The following ST3GAL6 variants were observed in gnomAD, a reference collection of about 807,000 sequenced individuals.
The protein encoded by ST3GAL6 is type 2 lactosamine alpha-2,3-sialyltransferase.
Under a neutral mutation model 40.5 loss-of-function variants are expected in ST3GAL6, and 31 were observed. That is an observed-to-expected ratio of 0.77 (90% confidence interval 0.58 to 1.03). ST3GAL6 has a LOEUF of 1.03. ST3GAL6 is among the 50% of genes least tolerant of loss of function. ST3GAL6 has a pLI of 0.00. For synonymous variants in ST3GAL6, 129 were observed against 136.9 expected (o/e 0.94, Z 0.40); for missense variants, 357 against 393.2 (o/e 0.91, Z 0.78).
chr3:98,781,947 C>T (rs1940169561), intron 5 of ST3GAL6, among the ~76,000 whole-genome samples: 1 of 152,144 alleles, frequency 6.6e-6, no homozygotes, highest in Non-Finnish European at 1.5e-5. Flanking sequence ...ATTAAACTGA[C>T]CCTGAGGTTA....
chr3:98,784,072 T>G (rs562977764), intron 5 of ST3GAL6, among the ~76,000 whole-genome samples: 4 of 152,268 alleles, frequency 2.6e-5, no homozygotes, highest in Non-Finnish European at 5.9e-5. Context: ...TCATCTGGTC[T>G]GCTGATTTCA....
Position 98,788,418 on chromosome 3 carries a change from A to G in ST3GAL6, c.711A>G (p.Ala237=), listed in dbSNP as rs1414584179. ...TAGATCCTTTCATTATCAGAACAGC[A>G]GCTTATGAACTGCTTCATTTTCCAA... ...RILDPFIIRT[A]AYELLHFPKV... Residue 237 remains alanine, a synonymous_variant, in exon 8 of 10, where the codon GCA becomes GCG. Transcript: ENST00000483910. 6.2e-7 allele frequency: 1 copy of G among 1,613,418 alleles called. No individual in the cohort carries two copies. Among genetic ancestry groups the G allele is most frequent in the Non-Finnish European group, 8.5e-7 (1 of 1,179,806 alleles).
intron 8 of ST3GAL6, among the ~76,000 whole-genome samples, chr3:98,790,413 A>G (rs747672016): frequency 3.3e-5 from 5 of 152,200 alleles, no homozygotes; most frequent in Non-Finnish European, 5.9e-5. Flanking sequence ...AGTTGGGATG[A>G]TGAAGCCACT....
In ST3GAL6 at chr3:98,793,869, C is replaced by G; in HGVS notation, c.*108C>G. 1 of 531,534 alleles carries G rather than the reference C, an allele frequency of 1.9e-6. No homozygotes were observed. Among genetic ancestry groups the G allele is most frequent in the Non-Finnish European group, 3.2e-6 (1 of 317,436 alleles). 32.9% of individuals were successfully genotyped at this position (531,534 alleles called of 1,614,324 possible). A position where few individuals can be genotyped will look rare whatever the true frequency, so the allele number is the denominator to read the frequency against. On this transcript the variant is annotated 3_prime_UTR_variant, in exon 10 of 10. Transcript: ENST00000483910. ...CTCGTCAAATAATTATGTATACTGT[C>G]TGTTGCTGCCTGGTGATTCATAACC...
At chr3:98,781,039 T>A (rs1284650942) in intron 5 of ST3GAL6, among the ~76,000 whole-genome samples, 1 of 152,230 alleles carries the variant, frequency 6.6e-6, no homozygotes, top group African/African-American at 2.4e-5. Context: ...GTATGTTTAT[T>A]GCAGCACTGT....
intron 8 of ST3GAL6, among the ~76,000 whole-genome samples, chr3:98,790,615 A>G (rs191199001): frequency 1.3e-3 from 195 of 152,312 alleles, no homozygotes; most frequent in African/African-American, 4.4e-3. Flanking sequence ...CATAAATTCA[A>G]CATTCAACCA....
upstream of ST3GAL6, chr3:98,763,166 CA>C (rs375966657): frequency 1.2e-5 from 14 of 1,194,586 alleles, no homozygotes; most frequent in Admixed American, 3.5e-5. Flanking sequence ...GAGGCTGGAC[CA>C]AAAAAAATCT....
chr3:98,780,485 G>C (rs773200834), intron 5 of ST3GAL6, among the ~76,000 whole-genome samples: 1 of 152,164 alleles, frequency 6.6e-6, no homozygotes, highest in Non-Finnish European at 1.5e-5. Context: ...AAAAAAAGTA[G>C]AATGAAACTC....
At chr3:98,770,316 T>C (rs1463360650) in intron 2 of ST3GAL6, 1 of 152,458 alleles carries the variant, frequency 6.6e-6, no homozygotes, top group African/African-American at 2.4e-5. Flanking sequence ...AGACAAGTAC[T>C]CCATTCAGGA....
chr3:98,766,405 CTTTTTTT>C (rs369996406), intron 1 of ST3GAL6, among the ~76,000 whole-genome samples: 1,316 of 103,766 alleles, frequency 0.013, no homozygotes, highest in Non-Finnish European at 0.02. Context: ...AAATGTCATT[CTTTTTTT>C]TTTTTTTTTT....
At chr3:98,792,092 G>T (rs1014534368) in intron 9 of ST3GAL6, 99 bp downstream of exon 9, 6 of 1,235,288 alleles carry the variant, frequency 4.9e-6, no homozygotes, top group Admixed American at 5.4e-5. Context: ...TTTACTGAGG[G>T]ACCACGTTTT....
intron 1 of ST3GAL6, among the ~76,000 whole-genome samples, chr3:98,741,932 T>A (rs1217463615): frequency 6.6e-6 from 1 of 152,148 alleles, no homozygotes; most frequent in African/African-American, 2.4e-5. Flanking sequence ...TGAAGTTTGA[T>A]AGTAGAGATG....
intron 1 of ST3GAL6, among the ~76,000 whole-genome samples, chr3:98,746,759 G>T (rs1936590099): frequency 6.6e-6 from 1 of 151,788 alleles, no homozygotes; most frequent in Admixed American, 6.6e-5. Flanking sequence ...CATATTATAT[G>T]TATGTATTTT....
At chr3:98,769,490 C>G (rs140886479) in intron 2 of ST3GAL6, among the ~76,000 whole-genome samples, 81 of 152,266 alleles carry the variant, frequency 5.3e-4, no homozygotes, top group African/African-American at 1.5e-3. Context: ...CTGTCCTACC[C>G]TTAGTAGTAG....
intron 5 of ST3GAL6, among the ~76,000 whole-genome samples, chr3:98,781,578 G>A (rs2107283503): frequency 6.6e-6 from 1 of 152,226 alleles, no homozygotes; most frequent in Non-Finnish European, 1.5e-5. Flanking sequence ...GGGCTCTGGT[G>A]GTATGCTGGT....
intron 5 of ST3GAL6, among the ~76,000 whole-genome samples, chr3:98,774,771 G>A (rs1024714882): frequency 2.6e-5 from 4 of 152,200 alleles, no homozygotes; most frequent in Non-Finnish European, 4.4e-5. Flanking sequence ...AGGTCTGAAA[G>A]TGTAGACAGA....
intron 5 of ST3GAL6, among the ~76,000 whole-genome samples, chr3:98,781,338 G>T (rs558338929): frequency 6.6e-6 from 1 of 152,234 alleles, no homozygotes; most frequent in Non-Finnish European, 1.5e-5. Flanking sequence ...CAGGGTTGGG[G>T]GCTAGGGGAG....
chr3:98,732,961 T>C, intron 1 of ST3GAL6: 4 of 1,504,762 alleles, frequency 2.7e-6, no homozygotes, highest in Non-Finnish European at 3.5e-6. Context: ...CTCCTGGGCC[T>C]CGGCGGGTCA....
chr3:98,744,862 G>T (rs1165060724), intron 1 of ST3GAL6, among the ~76,000 whole-genome samples: 2 of 152,048 alleles, frequency 1.3e-5, no homozygotes, highest in African/African-American at 4.8e-5. Flanking sequence ...GCATGTCAAA[G>T]ATTCCTTCTT....
Sources: allele counts gnomAD v4.1 joint callset (sites outside exome capture counted in the v4.1 genomes callset), GRCh38; gene constraint gnomAD v4.1.1; transcripts MANE v1.5; gene names NCBI Gene and HGNC (gene_info 2026-07-23, HGNC 2026-07-21).